Variants in SKOR1 observed in about 807,000 individuals in gnomAD.
The protein encoded by SKOR1 is LBX1 corepressor 1.
In SKOR1, 38 loss-of-function variants were observed where a neutral mutation model predicts 72.4. The ratio of observed to expected loss-of-function variants is 0.52; its 90% CI spans 0.40 to 0.69. The LOEUF is 0.69. Ranked by LOEUF, SKOR1 falls within the 30% of genes least tolerant of loss-of-function variation. The pLI is 0.00. For synonymous variants in SKOR1, 642 were observed against 599.4 expected (o/e 1.07, Z -1.04); for missense variants, 1,320 against 1,343.2 (o/e 0.98, Z 0.27).
intron 3 of SKOR1, 66 bp from the exon 4 acceptor site, chr15:67,830,125 C>G: frequency 6.5e-7 from 1 of 1,535,394 alleles, no homozygotes. Flanking sequence ...CCGACCGCGG[C>G]AGCTCCGGCA....
chr15:67,831,903 C>CGGG (rs1432998203), intron 5 of SKOR1, among the ~76,000 whole-genome samples: 1 of 28,736 alleles, frequency 3.5e-5, no homozygotes, highest in Non-Finnish European at 6.2e-5. Context: ...GGCGGCGGTG[C>CGGG]GGGGGGGGGA....
rs763067991 is a variant in SKOR1 at position 67,827,537 on chromosome 15, C to G, written c.1709C>G (p.Ala570Gly). The change falls in exon 2 of 9, where the codon GCG becomes GGG. Residue 570 changes from alanine to glycine, a missense_variant. Transcript: ENST00000380035. ...CTGGACGAAGACGGCACGGACGAGG[C>G]GCTGCCACCGCCCCTGGCCCCGTTG... ...GPLDEDGTDE[A>G]LPPPLAPLPP... 6.6e-7 allele frequency: 1 copy of G among 1,521,318 alleles called. No individual in the cohort carries two copies. 94.2% of individuals were successfully genotyped at this position (1,521,318 alleles called of 1,614,324 possible). A position where few individuals can be genotyped will look rare whatever the true frequency, so the allele number is the denominator to read the frequency against.
intron 2 of SKOR1, 81 bp downstream of exon 2, chr15:67,828,225 G>T (rs931173443): frequency 7.4e-7 from 1 of 1,359,838 alleles, no homozygotes; most frequent in Non-Finnish European, 9.4e-7. Flanking sequence ...GGCGGAGAAC[G>T]GGAATTTTGT....
At position 67,827,476 on chromosome 15, in the gene SKOR1, G is replaced by A; in HGVS notation, c.1648G>A (p.Glu550Lys). ...AGCCAAAGAGAGTGGCCTCGGCGCG[G>A]AGGAGCGCTGCCCGAGCGCTCTGTC... Reference protein sequence around the residue: ...EPAKESGLGAEERCPSALSRG... With the variant: ...EPAKESGLGAKERCPSALSRG... Residue 550 changes from glutamate (E) to lysine (K), a missense_variant, in exon 2 of 9, where the codon GAG becomes AAG. Transcript: ENST00000380035. 1.3e-6 allele frequency: 2 copies of A among 1,521,598 alleles called. No individual in the cohort carries two copies. Among genetic ancestry groups the A allele is most frequent in the Non-Finnish European group, 1.8e-6 (2 of 1,141,864 alleles). 94.3% of individuals were successfully genotyped at this position (1,521,598 alleles called of 1,614,324 possible).
Position 67,827,007 on chromosome 15 carries a change from C to A in SKOR1, c.1179C>A (p.Phe393Leu). The A allele has an allele frequency of 6.3e-7, 1 of 1,594,340 alleles. No individual in the cohort carries two copies. The highest frequency in any genetic ancestry group is 1.7e-5 in the Admixed American group (1 of 59,692). ...GLLQKLPPPL[F>L]PHPYGFPTAF... The stretch of plus-strand genomic sequence containing the variant: ...TGCAAAAGCTGCCCCCACCACTTTT[C>A]CCCCATCCTTACGGCTTCCCTACGG... Residue 393 changes from phenylalanine (F) to leucine (L), a missense_variant, in exon 2 of 9, where the codon TTC becomes TTA. Physicochemically the swap from Phe to Leu is conservative, Grantham distance 22. This residue lies in a region of SKOR1 where 1,099 missense variants were observed against 1,025.5 expected (regional missense o/e 1.07). Coordinates refer to ENST00000380035, the MANE Select transcript of SKOR1 (RefSeq NM_001365915.1).
chr15:67,826,460 G>T lies in SKOR1; in HGVS notation c.632G>T (p.Gly211Val). ...NSSRAKCIKCGYCSMYFSPNK... is the reference protein window; with the variant it reads ...NSSRAKCIKCVYCSMYFSPNK... ...TCTCGTGCCAAGTGCATCAAGTGCG[G>T]CTACTGCAGCATGTACTTCTCGCCC... Residue 211 changes from glycine (G) to valine (V), a missense_variant, in exon 2 of 9, where the codon GGC (glycine) becomes GTC (valine). Gly to Val is a moderately radical substitution (Grantham distance 109). Transcript: ENST00000380035. 1 of 1,614,112 alleles carries T rather than the reference G, an allele frequency of 6.2e-7. No individual in the cohort carries two copies. The highest frequency in any genetic ancestry group is 8.5e-7 in the Non-Finnish European group (1 of 1,180,010).
Position 67,833,344 on chromosome 15 carries a change from G to A in SKOR1, c.2803+87G>A. On this transcript the variant is annotated intron_variant, in intron 8 of 8. Transcript: ENST00000380035. This position sits in a 1 kb window ranked among gnomAD's most constrained non-coding sequence, Gnocchi z 6.0. Reference sequence around the variant, plus strand: ...ATGAATGAATAGTGGGACTAGTGAGGAAGGCCACGATCCACGTGGATCAGG... The same window carrying A: ...ATGAATGAATAGTGGGACTAGTGAGAAAGGCCACGATCCACGTGGATCAGG... 7.5e-7 allele frequency: 1 copy of A among 1,340,142 alleles called. No individual in the cohort carries two copies. Among genetic ancestry groups the A allele is most frequent in the Non-Finnish European group, 1.1e-6 (1 of 938,166 alleles). 83.0% of individuals were successfully genotyped at this position (1,340,142 alleles called of 1,614,324 possible).
Position 67,829,185 on chromosome 15 carries a change from G to T in SKOR1, c.2323G>T (p.Ala775Ser). The change falls in exon 3 of 9, where the codon GCG (alanine) becomes TCG (serine). Residue 775 changes from alanine to serine, a missense_variant. Ala to Ser is a moderately conservative substitution (Grantham distance 99). Around this residue, in one of 3 missense-constraint regions of SKOR1, gnomAD observed 1,099 missense variants for 1,025.5 expected, o/e 1.07. Transcript: ENST00000380035. ...LGGPAPAKVF[A>S]PERDEHVKSA... Reference sequence around the variant, plus strand: ...CATTTCTCGGCCGTCGCAGGTGTTCGCGCCCGAGAGGGATGAGCACGTGAA... The same window carrying T: ...CATTTCTCGGCCGTCGCAGGTGTTCTCGCCCGAGAGGGATGAGCACGTGAA... 6.4e-7 allele frequency: 1 copy of T among 1,559,942 alleles called. No homozygotes were observed.
Position 67,825,932 on chromosome 15 carries a change from G to T in SKOR1, c.108-4G>T. ...ATCTGCTCTCTGCTTTCTCTATTTC[G>T]CAGGAGCGGCGGCATGGAGGCTCTC... is the stretch of plus-strand genomic sequence containing the variant. On this transcript the variant is annotated splice_polypyrimidine_tract_variant and splice_region_variant and intron_variant, in intron 1 of 8. Coordinates refer to ENST00000380035, the MANE Select transcript of SKOR1 (RefSeq NM_001365915.1). This position sits in a 1 kb window ranked among gnomAD's most constrained non-coding sequence, Gnocchi z 5.6. 1.3e-6 allele frequency: 2 copies of T among 1,513,062 alleles called. No homozygotes were observed. The highest frequency in any genetic ancestry group is 4.5e-5 in the East Asian group (2 of 43,998). 93.7% of individuals were successfully genotyped at this position (1,513,062 alleles called of 1,614,324 possible). A position where few individuals can be genotyped will look rare whatever the true frequency, so the allele number is the denominator to read the frequency against.
rs752577021 is a variant in SKOR1 at position 67,827,848 on chromosome 15, G to A, written c.2020G>A (p.Ala674Thr). The A allele has an allele frequency of 1.3e-6, 2 of 1,599,074 alleles. No homozygotes were observed. The highest frequency in any genetic ancestry group is 2.3e-5 in the East Asian group (1 of 44,332). The change falls in exon 2 of 9, where the codon GCC (alanine) becomes ACC (threonine). Residue 674 changes from alanine to threonine, a missense_variant. By Grantham distance (58) the Ala-to-Thr change is moderately conservative (BLOSUM62 0). Coordinates refer to ENST00000380035, the MANE Select transcript of SKOR1 (RefSeq NM_001365915.1). ...ESNRFPDDED[A>T]QEETEPSAPS... ...CAACCGCTTCCCCGACGACGAGGAC[G>A]CCCAAGAGGAGACCGAGCCCAGCGC...
chr15:67,827,857 G>A lies in SKOR1; in HGVS notation c.2029G>A (p.Glu677Lys). 6.2e-7 allele frequency: 1 copy of A among 1,600,588 alleles called. No individual in the cohort carries two copies. Among genetic ancestry groups the A allele is most frequent in the Non-Finnish European group, 8.5e-7 (1 of 1,174,502 alleles). Residue 677 changes from glutamate to lysine, a missense_variant, in exon 2 of 9, where the codon GAG (glutamate) becomes AAG (lysine). Around this residue, in one of 3 missense-constraint regions of SKOR1, gnomAD observed 1,099 missense variants for 1,025.5 expected, o/e 1.07. Transcript: ENST00000380035. ...CCCCGACGACGAGGACGCCCAAGAG[G>A]AGACCGAGCCCAGCGCACCCAGCGC... ...RFPDDEDAQE[E>K]TEPSAPSAGG...
In SKOR1 at chr15:67,827,967, C is replaced by A. The variant is rs114784960; in HGVS notation, c.2139C>A (p.Asp713Glu). 2.2e-3 allele frequency: 3,334 copies of A among 1,546,252 alleles called. 54 individuals carry two copies. The African/African-American group carries it at 0.036, about 17-fold the overall frequency. The stretch of plus-strand genomic sequence containing the variant: ...CGGACGGTCCCGCAAACTCTCCCGA[C>A]GGCGGCAGCCCCCGCCCCCGGCGCC... ...SGADGPANSP[D>E]GGSPRPRRRL... The change falls in exon 2 of 9, where the codon GAC (aspartate) becomes GAA (glutamate). Residue 713 changes from aspartate to glutamate, a missense_variant. Asp to Glu is a conservative substitution (Grantham distance 45, BLOSUM62 2). Coordinates refer to ENST00000380035, the MANE Select transcript of SKOR1 (RefSeq NM_001365915.1).
At chr15:67,831,912 G>A (rs1275386434) in intron 5 of SKOR1, among the ~76,000 whole-genome samples, 1 of 142,800 alleles carries the variant, frequency 7.0e-6, no homozygotes, top group Non-Finnish European at 1.5e-5. Flanking sequence ...GCGGGGGGGG[G>A]AGGTCGGGGC....
Position 67,832,996 on chromosome 15 carries a change from T to G in SKOR1, c.2738-196T>G. 1 of 622,342 alleles carries G rather than the reference T, an allele frequency of 1.6e-6. No homozygotes were observed. Among genetic ancestry groups the G allele is most frequent in the Non-Finnish European group, 2.8e-6 (1 of 356,140 alleles). The allele number at this position is 622,342 out of a possible 1,614,324, so 38.6% of individuals were successfully genotyped here. On this transcript the variant is annotated intron_variant, in intron 7 of 8. Transcript: ENST00000380035. This position sits in a 1 kb window ranked among gnomAD's most constrained non-coding sequence, Gnocchi z 4.5. ...TGCTTTAATTTTGGTTAGATCCATCTGCCTTTAAGCGCCATCCCAGGCCAT... is the reference window on the plus strand; with the variant it reads ...TGCTTTAATTTTGGTTAGATCCATCGGCCTTTAAGCGCCATCCCAGGCCAT...
chr15:67,833,723 C>G lies in SKOR1; in HGVS notation c.2804-19C>G. 1 of 1,612,826 alleles carries G rather than the reference C, an allele frequency of 6.2e-7. No homozygotes were observed. The highest frequency in any genetic ancestry group is 2.2e-5 in the East Asian group (1 of 44,846). The stretch of plus-strand genomic sequence containing the variant: ...GCCTGGAGAGGCGCCCAGAGTGACC[C>G]TCGCGACTGTCTCCCCAGAAGCCCA... On this transcript the variant is annotated intron_variant, in intron 8 of 8. Coordinates refer to ENST00000380035, the MANE Select transcript of SKOR1 (RefSeq NM_001365915.1). This position sits in a 1 kb window ranked among gnomAD's most constrained non-coding sequence, Gnocchi z 6.0.
Position 67,826,455 on chromosome 15 carries a change from G to A in SKOR1, c.627G>A (p.Lys209=). The A allele has an allele frequency of 1.2e-6, 2 of 1,614,154 alleles. No homozygotes were observed. Among genetic ancestry groups the A allele is most frequent in the Non-Finnish European group, 1.7e-6 (2 of 1,180,034 alleles). Residue 209 remains lysine, a synonymous_variant, in exon 2 of 9, where the codon AAG becomes AAA. Coordinates refer to ENST00000380035, the MANE Select transcript of SKOR1 (RefSeq NM_001365915.1). ...ACAGCTCTCGTGCCAAGTGCATCAA[G>A]TGCGGCTACTGCAGCATGTACTTCT... ...RYNSSRAKCI[K]CGYCSMYFSP...
At chr15:67,831,588 T>C (rs890453343) in intron 5 of SKOR1, among the ~76,000 whole-genome samples, 13 of 151,984 alleles carry the variant, frequency 8.6e-5, no homozygotes, top group Non-Finnish European at 2.9e-5. Flanking sequence ...CCCTCTGGAG[T>C]TGGTTCTGAG....
Position 67,827,295 on chromosome 15 carries a change from C to A in SKOR1, c.1467C>A (p.Pro489=). The A allele has an allele frequency of 6.3e-7, 1 of 1,589,534 alleles. No homozygotes were observed. Among genetic ancestry groups the A allele is most frequent in the Non-Finnish European group, 8.5e-7 (1 of 1,175,478 alleles). Residue 489 remains proline, a synonymous_variant, in exon 2 of 9, where the codon CCC becomes CCA. Transcript: ENST00000380035. ...CCGCCACTGTGTACCCGACGTTTCC[C>A]ATGTTCTGGCCAGCAGCAGGCAGCC... ...AAAATVYPTF[P]MFWPAAGSLP... is the part of the protein sequence containing the mutation.
In SKOR1 at chr15:67,832,738, G is replaced by A. The variant is rs1251443003; in HGVS notation, c.2737+57G>A. ...GGCCGTAACTGCCTCTCGTCTGGCA[G>A]GAGCCGCAATGTTGGCTCAGTCATT... On this transcript the variant is annotated intron_variant, in intron 7 of 8. Coordinates refer to ENST00000380035, the MANE Select transcript of SKOR1 (RefSeq NM_001365915.1). The surrounding 1 kb of genome is among the most constrained non-coding windows in gnomAD (Gnocchi z 4.5). 5 of 1,413,496 alleles carry A rather than the reference G, an allele frequency of 3.5e-6. No individual in the cohort carries two copies. Among genetic ancestry groups the A allele is most frequent in the Non-Finnish European group, 5.0e-6 (5 of 1,001,494 alleles). The allele number at this position is 1,413,496 out of a possible 1,614,324, so 87.6% of individuals were successfully genotyped here.
Sources: allele counts gnomAD v4.1 joint callset (sites outside exome capture counted in the v4.1 genomes callset), GRCh38; gene constraint gnomAD v4.1.1; regional missense constraint gnomAD v4.1.1; non-coding constraint Gnocchi (gnomAD v3.1); transcripts MANE v1.5; gene names NCBI Gene and HGNC (gene_info 2026-07-23, HGNC 2026-07-21).